ROBO2: variants seen among roughly 807,000 people sequenced by gnomAD.
The protein encoded by ROBO2 is roundabout homolog 2.
A neutral mutation model predicts 160.8 loss-of-function variants in ROBO2; 53 were observed. The observed-to-expected ratio is 0.33, with a 90% CI of 0.26 to 0.41. The LOEUF (loss-of-function observed/expected upper bound fraction) is 0.41, where lower values mean the gene tolerates loss of function less well. Ranked by LOEUF, ROBO2 falls within the 10% of genes least tolerant of loss-of-function variation. The probability of loss-of-function intolerance (pLI) is 1.00; values close to 1 mark genes in which losing one functional copy is unlikely to be tolerated. For missense variants in ROBO2, 1,577 were observed against 1,722.4 expected, an observed-to-expected ratio of 0.92 and a Z score of 1.49; for synonymous variants, 664 against 611.7, an observed-to-expected ratio of 1.09 and a Z score of -1.26.
intron 2 of ROBO2, among the ~76,000 whole-genome samples, chr3:76,233,803 T>C (rs552763059): frequency 1.1e-3 from 170 of 152,316 alleles, no homozygotes; most frequent in African/African-American, 3.7e-3. Context: ...TTAGTTTACT[T>C]TTTTGTTATT....
At chr3:76,911,271 C>A (rs1005208905) in intron 2 of ROBO2, among the ~76,000 whole-genome samples, 2 of 152,150 alleles carry the variant, frequency 1.3e-5, no homozygotes, top group African/African-American at 4.8e-5. Context: ...TCTGACATAA[C>A]CTTTCCTTTT....
At chr3:76,259,567 C>A (rs1489562198) in intron 2 of ROBO2, among the ~76,000 whole-genome samples, 1 of 152,046 alleles carries the variant, frequency 6.6e-6, no homozygotes, top group Non-Finnish European at 1.5e-5. Flanking sequence ...AGACAGACTG[C>A]CTAGAAAGTT....
intron 2 of ROBO2, among the ~76,000 whole-genome samples, chr3:76,555,425 G>GAAGAAGAA (rs1399867100): frequency 0.066 from 4,461 of 67,976 alleles, 516 homozygotes; most frequent in East Asian, 0.11. Context: ...AAGAAAGAAG[G>GAAGAAGAA]AGAAGGGGAA....
At chr3:76,068,554 T>G (rs2107940275) in intron 2 of ROBO2, among the ~76,000 whole-genome samples, 1 of 152,296 alleles carries the variant, frequency 6.6e-6, no homozygotes, top group South Asian at 2.1e-4. Flanking sequence ...ACTTTTCCCT[T>G]TCTTCTGTAT....
At chr3:76,581,902 T>G (rs944652346) in intron 2 of ROBO2, among the ~76,000 whole-genome samples, 3 of 152,230 alleles carry the variant, frequency 2.0e-5, no homozygotes, top group Non-Finnish European at 4.4e-5. Context: ...AATTTTATCA[T>G]GAATTTGTCT....
chr3:76,948,579 A>ATTTTT (rs757654181), intron 2 of ROBO2, among the ~76,000 whole-genome samples: 2 of 93,650 alleles, frequency 2.1e-5, no homozygotes, highest in South Asian at 3.4e-4. Context: ...TTATAATCTA[A>ATTTTT]TTTTTTTTTT....
At chr3:76,912,572 C>A (rs578175893) in intron 2 of ROBO2, among the ~76,000 whole-genome samples, 23 of 152,116 alleles carry the variant, frequency 1.5e-4, no homozygotes, top group Non-Finnish European at 2.9e-4. Flanking sequence ...GATGTTCTTA[C>A]AATTTTTAAT....
intron 2 of ROBO2, among the ~76,000 whole-genome samples, chr3:77,369,812 C>T (rs888508014): frequency 1.3e-5 from 2 of 152,114 alleles, no homozygotes; most frequent in African/African-American, 4.8e-5. Flanking sequence ...TATATTCTTG[C>T]AAGGAGTTAT....
intron 2 of ROBO2, among the ~76,000 whole-genome samples, chr3:77,335,128 A>G (rs2066358783): frequency 6.6e-6 from 1 of 152,192 alleles, no homozygotes; most frequent in Admixed American, 6.5e-5. Flanking sequence ...AATTGTAAAG[A>G]CAAAGGTTAA....
At chr3:76,419,280 T>C (rs1297001326) in intron 2 of ROBO2, among the ~76,000 whole-genome samples, 1 of 152,166 alleles carries the variant, frequency 6.6e-6, no homozygotes, top group East Asian at 1.9e-4. Context: ...GGGAAGAAAA[T>C]GAGAGTCCAG....
chr3:77,234,634 ATTT>A (rs1560303139), intron 2 of ROBO2, among the ~76,000 whole-genome samples: 1 of 152,090 alleles, frequency 6.6e-6, no homozygotes, highest in Non-Finnish European at 1.5e-5. Flanking sequence ...TTTTATTAAT[ATTT>A]TTCAATTAAA....
chr3:76,064,024 A>G (rs1268017403), intron 2 of ROBO2, among the ~76,000 whole-genome samples: 1 of 152,178 alleles, frequency 6.6e-6, no homozygotes, highest in Non-Finnish European at 1.5e-5. Context: ...CTCGTTGACA[A>G]CCAGCAGAGA....
intron 2 of ROBO2, among the ~76,000 whole-genome samples, chr3:76,315,879 C>G (rs1439315809): frequency 6.6e-6 from 1 of 152,088 alleles, no homozygotes; most frequent in Admixed American, 6.6e-5. Context: ...TTTCTATTTT[C>G]CCTAAGTGTC....
At chr3:76,370,923 T>C (rs1163685449) in intron 2 of ROBO2, among the ~76,000 whole-genome samples, 1 of 151,906 alleles carries the variant, frequency 6.6e-6, no homozygotes, top group East Asian at 1.9e-4. Context: ...GTCTTCTTTC[T>C]GCTAGGTTGA....
chr3:77,165,807 A>G (rs149585372), intron 2 of ROBO2, among the ~76,000 whole-genome samples: 374 of 152,300 alleles, frequency 2.5e-3, no homozygotes, highest in Non-Finnish European at 4.6e-3. Context: ...CCGTATCTCA[A>G]TCTTTACCAA....
intron 2 of ROBO2, among the ~76,000 whole-genome samples, chr3:77,247,890 G>A (rs1301363727): frequency 1.3e-5 from 2 of 152,106 alleles, no homozygotes; most frequent in East Asian, 1.9e-4. Context: ...GAAGACAGTG[G>A]GTCTCTGGCG....
Position 76,101,933 on chromosome 3 carries a change from G to A in ROBO2, c.109+164331G>A, listed in dbSNP as rs549911978. On this transcript the variant is annotated intron_variant, in intron 2 of 26. Coordinates refer to the ROBO2 transcript ENST00000487694. ...TTCCCATTGTACCCCAGGGTGTGAT[G>A]TTCCCCTTCCTGTGTCCAAGTGTTC... 1.0e-3 allele frequency among the ~76,000 whole-genome samples: 155 copies of A among 148,622 alleles called. No individual in the cohort carries two copies. The Middle Eastern group carries it at 0.011, about 10-fold the overall frequency.
intron 2 of ROBO2, among the ~76,000 whole-genome samples, chr3:76,646,334 C>T (rs2090969770): frequency 6.6e-6 from 1 of 152,150 alleles, no homozygotes; most frequent in African/African-American, 2.4e-5. Flanking sequence ...AAGAAGGTTA[C>T]TGAGAGTTTG....
intron 23 of ROBO2, chr3:77,633,191 T>G (rs2095202193): frequency 6.6e-6 from 1 of 152,206 alleles, no homozygotes; most frequent in African/African-American, 2.4e-5. Context: ...TACAATAATT[T>G]ATTATTTGTC....
Sources: allele counts gnomAD v4.1 joint callset (sites outside exome capture counted in the v4.1 genomes callset), GRCh38; gene constraint gnomAD v4.1.1; transcripts MANE v1.5; gene names NCBI Gene and HGNC (gene_info 2026-07-23, HGNC 2026-07-21).